SLC24A2: variants seen among roughly 807,000 people sequenced by gnomAD.
The protein encoded by SLC24A2 is solute carrier family 24 member 2.
In SLC24A2, 36 loss-of-function variants were observed where a neutral mutation model predicts 62.0. The ratio of observed to expected loss-of-function variants is 0.58; its 90% CI spans 0.44 to 0.77. SLC24A2 has a LOEUF of 0.77. Among genes scored for constraint, SLC24A2 ranks in the 30% least tolerant of loss-of-function variants. The pLI is 0.00. For synonymous variants in SLC24A2, 358 were observed against 294.0 expected, an observed-to-expected ratio of 1.22 and a Z score of -2.23; for missense variants, 846 against 817.9, an observed-to-expected ratio of 1.03 and a Z score of -0.42.
the SLC24A2 span, among the ~76,000 whole-genome samples, chr9:19,934,760 C>G: frequency 1.3e-5 from 2 of 152,182 alleles, no homozygotes; most frequent in Non-Finnish European, 2.9e-5. The surrounding 1 kb of genome is among the most constrained non-coding windows in gnomAD (Gnocchi z 4.1). Flanking sequence ...TTCTCTTTTG[C>G]TGGTCGCCAG....
intron 2 of SLC24A2, among the ~76,000 whole-genome samples, chr9:19,676,018 C>T (rs761313808): frequency 6.6e-6 from 1 of 152,178 alleles, no homozygotes; most frequent in Non-Finnish European, 1.5e-5. Flanking sequence ...AAATGGCTTC[C>T]CTGGGGACCA....
chr9:20,056,739 G>C, the SLC24A2 span, among the ~76,000 whole-genome samples: 1 of 152,278 alleles, frequency 6.6e-6, no homozygotes, highest in South Asian at 2.1e-4. Flanking sequence ...TCTGAAGCTT[G>C]ATTGCATGGC....
At chr9:20,306,550 T>C in the SLC24A2 span, among the ~76,000 whole-genome samples, 2 of 152,232 alleles carry the variant, frequency 1.3e-5, no homozygotes, top group Non-Finnish European at 2.9e-5. Flanking sequence ...ATCTCCTGCC[T>C]GAGGACCCTC....
At chr9:19,880,848 C>A in the SLC24A2 span, among the ~76,000 whole-genome samples, 1 of 152,004 alleles carries the variant, frequency 6.6e-6, no homozygotes, top group Non-Finnish European at 1.5e-5. Flanking sequence ...TCAAAGGAGT[C>A]GCAGGATGTA....
At chr9:19,735,605 C>T (rs1462076932) in intron 2 of SLC24A2, among the ~76,000 whole-genome samples, 2 of 152,118 alleles carry the variant, frequency 1.3e-5, no homozygotes, top group South Asian at 2.1e-4. Context: ...TTGGAACCAA[C>T]CCAAATGTCC....
At chr9:20,238,516 T>G in the SLC24A2 span, among the ~76,000 whole-genome samples, 1 of 152,168 alleles carries the variant, frequency 6.6e-6, no homozygotes, top group Non-Finnish European at 1.5e-5. Context: ...AAATTATGAT[T>G]AAAAATTAAG....
intron 6 of SLC24A2, among the ~76,000 whole-genome samples, chr9:19,574,707 A>AT (rs1176041846): frequency 2.0e-4 from 30 of 150,782 alleles, no homozygotes; most frequent in African/African-American, 5.8e-4. Context: ...CACTAGAATA[A>AT]TTTTTTTTTT....
At chr9:19,957,422 T>C in the SLC24A2 span, 1 of 152,230 alleles carries the variant, frequency 6.6e-6, no homozygotes, top group African/African-American at 2.4e-5. Context: ...TCTGTGGCAA[T>C]CGTTTCTGTC....
At chr9:20,077,351 A>G in the SLC24A2 span, among the ~76,000 whole-genome samples, 1 of 152,228 alleles carries the variant, frequency 6.6e-6, no homozygotes, top group African/African-American at 2.4e-5. Context: ...GCTTCACTAT[A>G]GTAACTATGT....
At chr9:19,893,094 G>T in the SLC24A2 span, among the ~76,000 whole-genome samples, 1 of 152,136 alleles carries the variant, frequency 6.6e-6, no homozygotes, top group East Asian at 1.9e-4. Flanking sequence ...TTCCCATTTT[G>T]CTCCCATTTT....
upstream of SLC24A2, among the ~76,000 whole-genome samples, chr9:19,792,695 CA>C (rs913209395): frequency 7.6e-6 from 1 of 131,312 alleles, no homozygotes; most frequent in African/African-American, 2.5e-5. Context: ...GAAACAAGAA[CA>C]AAACTCCATC....
chr9:20,084,238 A>T, the SLC24A2 span, among the ~76,000 whole-genome samples: 6 of 152,214 alleles, frequency 3.9e-5, no homozygotes, highest in Admixed American at 2.6e-4. Context: ...TTACACAATC[A>T]TGTTGTTAAA....
the SLC24A2 span, chr9:19,929,251 C>G: frequency 6.6e-6 from 1 of 152,230 alleles, no homozygotes; most frequent in African/African-American, 2.4e-5. Context: ...TTACCCTGGA[C>G]TCTCACCCGT....
At chr9:19,534,405 T>C (rs1833858177) in intron 8 of SLC24A2, among the ~76,000 whole-genome samples, 1 of 152,184 alleles carries the variant, frequency 6.6e-6, no homozygotes, top group African/African-American at 2.4e-5. Flanking sequence ...ATGCGCAGAA[T>C]GTGCAGCTTT....
At chr9:19,655,040 GA>G (rs1818906893) in intron 2 of SLC24A2, among the ~76,000 whole-genome samples, 1 of 152,156 alleles carries the variant, frequency 6.6e-6, no homozygotes, top group Admixed American at 6.5e-5. Flanking sequence ...GTTTCTTGTA[GA>G]CAGATAATGT....
chr9:19,626,015 G>T (rs1818025983), intron 2 of SLC24A2, among the ~76,000 whole-genome samples: 1 of 152,012 alleles, frequency 6.6e-6, no homozygotes. Flanking sequence ...TAGGAATTTT[G>T]CTACTTATTT....
At chr9:19,538,909 A>T (rs1414433796) in intron 8 of SLC24A2, among the ~76,000 whole-genome samples, 1 of 128,966 alleles carries the variant, frequency 7.8e-6, no homozygotes, top group Non-Finnish European at 1.6e-5. Context: ...TCAGAGATTC[A>T]ACTTCTTCCT....
At chr9:19,539,485 G>C (rs1221688473) in intron 8 of SLC24A2, among the ~76,000 whole-genome samples, 3 of 149,634 alleles carry the variant, frequency 2.0e-5, no homozygotes, top group Non-Finnish European at 4.5e-5. Context: ...TCAGGAGCAG[G>C]TTGTTCAGTT....
chr9:19,860,645 T>A, the SLC24A2 span, among the ~76,000 whole-genome samples: 1 of 152,008 alleles, frequency 6.6e-6, no homozygotes, highest in Non-Finnish European at 1.5e-5. Context: ...GCCATTAGAG[T>A]TCTTGATTCC....
Sources: gnomAD v4.1 joint callset for allele counts (sites outside exome capture counted in the v4.1 genomes callset) on GRCh38, gnomAD v4.1.1 for gene constraint, Gnocchi (gnomAD v3.1) non-coding constraint, MANE v1.5 for transcripts, NCBI Gene and HGNC (gene_info 2026-07-23, HGNC 2026-07-21) for gene names.